Variants in PRKCSH observed in about 807,000 individuals in gnomAD.
PRKCSH encodes the protein glucosidase 2 subunit beta.
In PRKCSH, 42 loss-of-function variants were observed where a neutral mutation model predicts 79.7. The observed-to-expected ratio is 0.53, with a 90% CI of 0.41 to 0.68. The LOEUF is 0.68. Among genes scored for constraint, PRKCSH ranks in the 30% least tolerant of loss-of-function variants. The pLI, the probability that PRKCSH is intolerant of heterozygous loss-of-function variation, is 0.00. For missense variants in PRKCSH, 686 were observed against 709.0 expected (o/e 0.97, Z 0.37); for synonymous variants, 325 against 288.2 (o/e 1.13, Z -1.29).
In PRKCSH at chr19:11,436,489, T is replaced by C; in HGVS notation, c.180T>C (p.Asp60=). ...ACGATGACTATTGCGACTGCAAAGA[T>C]GGCTCTGACGAGCCAGGTGAGCCTT... ...QVNDDYCDCK[D]GSDEPGTAAC... Residue 60 remains aspartate, a synonymous_variant, in exon 3 of 18, where the codon GAT becomes GAC. Transcript: ENST00000677123. 1 of 1,613,770 alleles carries C rather than the reference T, an allele frequency of 6.2e-7. No homozygotes were observed. The highest frequency in any genetic ancestry group is 8.5e-7 in the Non-Finnish European group (1 of 1,179,722).
chr19:11,445,618 G>T (rs1002205990), intron 8 of PRKCSH, 145 bp downstream of exon 8: 1 of 801,248 alleles, frequency 1.2e-6, no homozygotes, highest in Non-Finnish European at 2.1e-6. Context: ...GTGTGACCCC[G>T]CCTCTTACTC....
In PRKCSH at chr19:11,435,650, A is replaced by G. The variant is rs540057283; in HGVS notation, c.-134A>G. ...TTTCCGCTTTCTTTCTGCAGCAGGA[A>G]CCGCGGCTGCTGGACAAGAGGGGTG... On this transcript the variant is annotated 5_prime_UTR_variant, in exon 1 of 18. Coordinates refer to ENST00000677123, the MANE Select transcript of PRKCSH (RefSeq NM_001289104.2). The G allele has an allele frequency of 7.7e-5, 98 of 1,278,972 alleles. No individual in the cohort carries two copies. The highest frequency in any genetic ancestry group is 9.6e-5 in the Non-Finnish European group (94 of 978,158). 79.2% of individuals were successfully genotyped at this position (1,278,972 alleles called of 1,614,324 possible). A position where few individuals can be genotyped will look rare whatever the true frequency, so the allele number is the denominator to read the frequency against.
At chr19:11,440,884 C>G (rs1568363739) in intron 5 of PRKCSH, among the ~76,000 whole-genome samples, 1 of 152,098 alleles carries the variant, frequency 6.6e-6, no homozygotes, top group African/African-American at 2.4e-5. Context: ...AGGCTGGTTG[C>G]GAACTCCTGG....
Position 11,447,285 on chromosome 19 carries a change from C to T in PRKCSH, c.849+125C>T. 7.5e-7 allele frequency: 1 copy of T among 1,340,118 alleles called. No homozygotes were observed. The highest frequency in any genetic ancestry group is 2.5e-5 in the East Asian group (1 of 40,276). The allele number at this position is 1,340,118 out of a possible 1,614,324, so 83.0% of individuals were successfully genotyped here. A position where few individuals can be genotyped will look rare whatever the true frequency, so the allele number is the denominator to read the frequency against. On this transcript the variant is annotated intron_variant, in intron 10 of 17. Coordinates refer to ENST00000677123, the MANE Select transcript of PRKCSH (RefSeq NM_001289104.2). This position sits in a 1 kb window ranked among gnomAD's most constrained non-coding sequence, Gnocchi z 5.6. Reference sequence around the variant, plus strand: ...GGCCAGCTGGGTGGCCCCAGCACCCCCCACCGAGACCCCCCGACCCCAGCT... The same window carrying T: ...GGCCAGCTGGGTGGCCCCAGCACCCTCCACCGAGACCCCCCGACCCCAGCT...
At position 11,443,540 on chromosome 19, in the gene PRKCSH, G is replaced by A. The variant is rs1032011538; in HGVS notation, c.598+1025G>A. On this transcript the variant is annotated intron_variant, in intron 7 of 17. Transcript: ENST00000677123. ...CAGCCTGGCAACAGAGTGAGACTCCGTCTCAAAAAAAAAAAAAAAATTAGC... is the reference window on the plus strand; with the variant it reads ...CAGCCTGGCAACAGAGTGAGACTCCATCTCAAAAAAAAAAAAAAAATTAGC... 4.9e-5 allele frequency among the ~76,000 whole-genome samples: 7 copies of A among 141,792 alleles called. No individual in the cohort carries two copies. The South Asian group carries it at 6.7e-4, about 14-fold the overall frequency. The allele number at this position is 141,792 out of a possible 152,430, so 93.0% of individuals were successfully genotyped here.
At position 11,449,156 on chromosome 19, in the gene PRKCSH, G is replaced by A; in HGVS notation, c.1442G>A (p.Gly481Asp). 1 of 1,613,698 alleles carries A rather than the reference G, an allele frequency of 6.2e-7. No homozygotes were observed. The highest frequency in any genetic ancestry group is 8.5e-7 in the Non-Finnish European group (1 of 1,180,024). The change falls in exon 16 of 18, where the codon GGC becomes GAC. Residue 481 changes from glycine (G) to aspartate (D), a missense_variant. Physicochemically the swap from Gly to Asp is moderately conservative, Grantham distance 94 (BLOSUM62 -1). Transcript: ENST00000677123. The surrounding 1 kb of genome is among the most constrained non-coding windows in gnomAD (Gnocchi z 6.4). Reference sequence around the variant, plus strand: ...GAGCAAGGCACGGGCTGCTGGCAGGGCCCCAACCGCTCCACCACCGTGAGT... The same window carrying A: ...GAGCAAGGCACGGGCTGCTGGCAGGACCCCAACCGCTCCACCACCGTGAGT... ...KYEQGTGCWQGPNRSTTVRLL... is the reference protein window; with the variant it reads ...KYEQGTGCWQDPNRSTTVRLL...
chr19:11,447,689 C>T lies in PRKCSH; in HGVS notation c.1030-4C>T. Reference sequence around the variant, plus strand: ...GCTACTCACTGACCCTGCCCCTGCCCCAGGAGGCCCCACCGCCACTGTCAC... The same window carrying T: ...GCTACTCACTGACCCTGCCCCTGCCTCAGGAGGCCCCACCGCCACTGTCAC... On this transcript the variant is annotated splice_polypyrimidine_tract_variant and splice_region_variant and intron_variant, in intron 11 of 17. Coordinates refer to ENST00000677123, the MANE Select transcript of PRKCSH (RefSeq NM_001289104.2). The surrounding 1 kb of genome is among the most constrained non-coding windows in gnomAD (Gnocchi z 5.6). 1.3e-6 allele frequency: 2 copies of T among 1,568,128 alleles called. No individual in the cohort carries two copies. Among genetic ancestry groups the T allele is most frequent in the Non-Finnish European group, 1.7e-6 (2 of 1,155,304 alleles).
rs11557488 is a variant in PRKCSH, at chr19:11,447,460, G to C, written c.871G>C (p.Ala291Pro). ...RSEALPTDLP[A>P]PSAPDLTEPK... is the part of the protein sequence containing the mutation. ...CCAGGCACTGCCCACCGACCTTCCA[G>C]CACCTTCTGCCCCTGACTTGACGGA... The change falls in exon 11 of 18, where the codon GCA (alanine) becomes CCA (proline). Residue 291 changes from alanine (A) to proline (P), a missense_variant. By Grantham distance (27) the Ala-to-Pro change is conservative. Around this residue, in one of 2 missense-constraint regions of PRKCSH, gnomAD observed 549 missense variants for 520.2 expected, o/e 1.06. Transcript: ENST00000677123. The surrounding 1 kb of genome is among the most constrained non-coding windows in gnomAD (Gnocchi z 5.6). 1 of 1,613,464 alleles carries C rather than the reference G, an allele frequency of 6.2e-7. No individual in the cohort carries two copies. The highest frequency in any genetic ancestry group is 1.3e-5 in the African/African-American group (1 of 74,914).
At chr19:11,445,213 C>T (rs116893962) in intron 7 of PRKCSH, among the ~76,000 whole-genome samples, 176 bp from the exon 8 acceptor site, 20 of 152,302 alleles carry the variant, frequency 1.3e-4, no homozygotes, top group Non-Finnish European at 1.8e-4. Context: ...CCTTGCTCTT[C>T]GTCTGTTCTC....
At chr19:11,440,571 G>T (rs528005596) in intron 5 of PRKCSH, among the ~76,000 whole-genome samples, 1 of 152,002 alleles carries the variant, frequency 6.6e-6, no homozygotes, top group Non-Finnish European at 1.5e-5. Context: ...TCAGCCTCCC[G>T]TGTAGCTGGG....
chr19:11,442,547 A>C (rs1439202122), intron 7 of PRKCSH, 32 bp downstream of exon 7: 1 of 1,605,006 alleles, frequency 6.2e-7, no homozygotes, highest in Non-Finnish European at 8.5e-7. Context: ...ACTCACCTTC[A>C]GTCCTGGGTG....
chr19:11,448,155 T>C lies in PRKCSH; in HGVS notation c.1127-67T>C, dbSNP rs1970409666. On this transcript the variant is annotated intron_variant, in intron 12 of 17. Transcript: ENST00000677123. The surrounding 1 kb of genome is among the most constrained non-coding windows in gnomAD (Gnocchi z 4.4). ...GTATGGGAGCACACAGCCACATCCA[T>C]GGAACCCCGTTCCCCATCCTCCTGG... is the stretch of plus-strand genomic sequence containing the variant. 1.7e-5 allele frequency: 25 copies of C among 1,480,426 alleles called. No individual in the cohort carries two copies. In the South Asian group the frequency reaches 2.9e-4, roughly 17 times the overall value. 91.7% of individuals were successfully genotyped at this position (1,480,426 alleles called of 1,614,324 possible). A position where few individuals can be genotyped will look rare whatever the true frequency, so the allele number is the denominator to read the frequency against.
intron 7 of PRKCSH, among the ~76,000 whole-genome samples, chr19:11,442,960 C>T (rs1970130734): frequency 1.3e-5 from 2 of 152,022 alleles, no homozygotes; most frequent in Admixed American, 1.3e-4. Context: ...TGCCTTGGCC[C>T]CCCAGAGTGC....
In PRKCSH at chr19:11,436,369, G is replaced by A; in HGVS notation, c.80-20G>A. 1 of 1,612,014 alleles carries A rather than the reference G, an allele frequency of 6.2e-7. No homozygotes were observed. The highest frequency in any genetic ancestry group is 8.5e-7 in the Non-Finnish European group (1 of 1,178,042). On this transcript the variant is annotated intron_variant, in intron 2 of 17. Transcript: ENST00000677123. ...AGAAGGCGCTTACCTGCCCTGGGCT[G>A]AGCTTCCTGTACCCCGCAGATCATC...
Position 11,447,525 on chromosome 19 carries a change from A to AGAGGAGGAG in PRKCSH, c.960_968dup (p.Glu323_Glu325dup), listed in dbSNP as rs3217229. Reference sequence around the variant, plus strand: ...AGCCGCCAGTGCCCTCGTCGCCCACAGAGGAGGAGGAGGAGGAGGAGGAGG... The same window carrying AGAGGAGGAG: ...AGCCGCCAGTGCCCTCGTCGCCCACAGAGGAGGAGGAGGAGGAGGAGGAGGAGGAGGAGG... On this transcript the variant is annotated inframe_insertion, in exon 11 of 18. Transcript: ENST00000677123. The surrounding 1 kb of genome is among the most constrained non-coding windows in gnomAD (Gnocchi z 5.6). 6.8e-4 allele frequency: 1,072 copies of AGAGGAGGAG among 1,583,908 alleles called. No individual in the cohort carries two copies. The highest frequency in any genetic ancestry group is 7.9e-4 in the Non-Finnish European group (912 of 1,161,330).
chr19:11,446,315 G>C lies in PRKCSH; in HGVS notation c.727G>C (p.Asp243His), dbSNP rs1339191259. ...ELQTHPELDT[D>H]GDGALSEAEA... ...GCAGACTCACCCGGAGCTGGACACA[G>C]ATGGGGATGGGGCGTTGTCAGAAGC... Residue 243 changes from aspartate to histidine, a missense_variant, in exon 9 of 18, where the codon GAT becomes CAT. This residue lies in a region of PRKCSH where 549 missense variants were observed against 520.2 expected (regional missense o/e 1.06). Transcript: ENST00000677123. 6.2e-7 allele frequency: 1 copy of C among 1,613,910 alleles called. No individual in the cohort carries two copies. Among genetic ancestry groups the C allele is most frequent in the East Asian group, 2.2e-5 (1 of 44,878 alleles).
chr19:11,448,632 G>A lies in PRKCSH; in HGVS notation c.1286+3G>A, dbSNP rs1051228452. 36 of 1,613,698 alleles carry A rather than the reference G, an allele frequency of 2.2e-5. No homozygotes were observed. Among genetic ancestry groups the A allele is most frequent in the Middle Eastern group, 1.6e-4 (1 of 6,084 alleles). On this transcript the variant is annotated splice_donor_region_variant and intron_variant, in intron 14 of 17. Coordinates refer to ENST00000677123, the MANE Select transcript of PRKCSH (RefSeq NM_001289104.2). The surrounding 1 kb of genome is among the most constrained non-coding windows in gnomAD (Gnocchi z 4.4). ...TGCTACGAGCTCACCACCAACGAGT[G>A]CGTCCCAGGAATGCAGGGGCCCCCA...
At chr19:11,442,243 C>A in intron 6 of PRKCSH, 143 bp from the exon 7 acceptor site, 2 of 1,242,938 alleles carry the variant, frequency 1.6e-6, no homozygotes, top group Non-Finnish European at 2.2e-6. Flanking sequence ...CTACAGGGAA[C>A]CCCAGCTCGG....
At chr19:11,445,328 G>A (rs1424198313) in intron 7 of PRKCSH, 61 bp from the exon 8 acceptor site, 2 of 1,547,270 alleles carry the variant, frequency 1.3e-6, no homozygotes, top group Non-Finnish European at 1.8e-6. Context: ...ACCCTGTGGG[G>A]TGCGGGGGCT....
Sources: allele counts gnomAD v4.1 joint callset (sites outside exome capture counted in the v4.1 genomes callset), GRCh38; gene constraint gnomAD v4.1.1; regional missense constraint gnomAD v4.1.1; non-coding constraint Gnocchi (gnomAD v3.1); transcripts MANE v1.5; gene names NCBI Gene and HGNC (gene_info 2026-07-23, HGNC 2026-07-21).